The following TSC22D1 variants were observed in gnomAD, a reference collection of about 807,000 sequenced individuals.
TSC22D1 encodes TSC22 domain family member 1.
A neutral mutation model predicts 74.2 loss-of-function variants in TSC22D1; 9 were observed. That is an observed-to-expected ratio of 0.12 (90% confidence interval 0.07 to 0.21). The LOEUF is 0.21. Among genes scored for constraint, TSC22D1 ranks in the 10% least tolerant of loss-of-function variants. TSC22D1 has a pLI of 1.00. For synonymous variants in TSC22D1, 586 were observed against 492.5 expected (o/e 1.19, Z -2.51); for missense variants, 1,427 against 1,304.7 (o/e 1.09, Z -1.44).
At chr13:44,530,102 G>T (rs1471524621) in intron 1 of TSC22D1, among the ~76,000 whole-genome samples, 1 of 151,976 alleles carries the variant, frequency 6.6e-6, no homozygotes, top group Non-Finnish European at 1.5e-5. Context: ...GGTCCAAAAT[G>T]GCCAACACGA....
chr13:44,440,949 A>C (rs1875147959), intron 1 of TSC22D1, among the ~76,000 whole-genome samples: 1 of 152,260 alleles, frequency 6.6e-6, no homozygotes, highest in South Asian at 2.1e-4. Context: ...ATGTCTTTAA[A>C]ATTCTGAGAG....
At chr13:44,525,903 C>T (rs999483964) in intron 1 of TSC22D1, among the ~76,000 whole-genome samples, 4 of 151,670 alleles carry the variant, frequency 2.6e-5, no homozygotes, top group African/African-American at 7.3e-5. Context: ...GGAGTTTGAA[C>T]CTAGTCTGGA....
At chr13:44,489,253 G>A (rs954924898) in intron 1 of TSC22D1, among the ~76,000 whole-genome samples, 11 of 148,552 alleles carry the variant, frequency 7.4e-5, no homozygotes, top group African/African-American at 2.7e-4. Flanking sequence ...AACTGTGAAA[G>A]GTAAAACTGT....
At position 44,505,851 on chromosome 13, in the gene TSC22D1, A is replaced by G. The variant is rs181744007; in HGVS notation, c.2912+67312T>C. 5.3e-3 allele frequency among the ~76,000 whole-genome samples: 806 copies of G among 152,360 alleles called. 6 individuals are homozygous for G. The highest frequency in any genetic ancestry group is 8.6e-3 in the Non-Finnish European group (586 of 68,038). On this transcript the variant is annotated intron_variant, in intron 1 of 2. Transcript: ENST00000458659. ...TTCTTAACCTAAAGGGGCTTATGGA[A>G]CAGAAGAAATCTTTTTTAACATGTA...
At chr13:44,515,368 T>C (rs991346563) in intron 1 of TSC22D1, among the ~76,000 whole-genome samples, 1 of 151,620 alleles carries the variant, frequency 6.6e-6, no homozygotes, top group Non-Finnish European at 1.5e-5. Flanking sequence ...CCAAGAAATA[T>C]TAAGTGAAAA....
At chr13:44,515,400 A>G (rs7332594) in intron 1 of TSC22D1, among the ~76,000 whole-genome samples, 151,268 of 152,116 alleles carry the variant, frequency 0.99, 75,223 homozygotes, top group East Asian at 1. Context: ...GCAGAACAGC[A>G]TATATAGTGT....
At position 44,439,887 on chromosome 13, in the gene TSC22D1, C is replaced by T. The variant is rs75408522; in HGVS notation, c.2913-3792G>A. Among the ~76,000 whole-genome samples the T allele has an allele frequency of 3.8e-4, 58 of 152,326 alleles. No individual in the cohort carries two copies. In the East Asian group the frequency reaches 0.01, roughly 27 times the overall value. On this transcript the variant is annotated intron_variant, in intron 1 of 2. Coordinates refer to ENST00000458659, the MANE Select transcript of TSC22D1 (RefSeq NM_183422.4). Reference sequence around the variant, plus strand: ...CAAACTTAATCTGACTTGGCCAACACCGGTACAGTTGGAGATTCAGCACTG... The same window carrying T: ...CAAACTTAATCTGACTTGGCCAACATCGGTACAGTTGGAGATTCAGCACTG...
chr13:44,530,379 C>A (rs1311184449), intron 1 of TSC22D1, among the ~76,000 whole-genome samples: 1 of 152,094 alleles, frequency 6.6e-6, no homozygotes, highest in Middle Eastern at 3.4e-3. Context: ...TAAACACAAA[C>A]CTTACCCCTT....
intron 1 of TSC22D1, chr13:44,537,247 TA>T (rs1881202661): frequency 6.5e-6 from 6 of 929,586 alleles, no homozygotes; most frequent in Middle Eastern, 5.5e-4. Context: ...ACATAAAATA[TA>T]AAAAAACTCA....
At chr13:44,472,179 G>C (rs912158695) in intron 1 of TSC22D1, among the ~76,000 whole-genome samples, 13 of 152,128 alleles carry the variant, frequency 8.5e-5, no homozygotes, top group Non-Finnish European at 1.5e-4. Context: ...AAAACATACT[G>C]AATATTGGTT....
At chr13:44,460,992 T>C (rs529985416) in intron 1 of TSC22D1, among the ~76,000 whole-genome samples, 1 of 152,180 alleles carries the variant, frequency 6.6e-6, no homozygotes, top group Non-Finnish European at 1.5e-5. Context: ...ACAGAGATGT[T>C]TTCAGATAAA....
chr13:44,562,444 C>T (rs935877793), intron 1 of TSC22D1, among the ~76,000 whole-genome samples: 1 of 152,190 alleles, frequency 6.6e-6, no homozygotes, highest in Non-Finnish European at 1.5e-5. Context: ...ACCGAATAAA[C>T]ATTAGTATTG....
At chr13:44,437,333 A>AC in intron 1 of TSC22D1, 1 of 885,802 alleles carries the variant, frequency 1.1e-6, no homozygotes, top group Non-Finnish European at 1.4e-6. Flanking sequence ...TCTAGTTCTT[A>AC]CCGGCAGCGG....
At position 44,575,323 on chromosome 13, in the gene TSC22D1, C is replaced by A. The variant is rs773425652; in HGVS notation, c.752G>T (p.Gly251Val). The change falls in exon 1 of 3, where the codon GGT becomes GTT. Residue 251 changes from glycine to valine, a missense_variant. By Grantham distance (109) the Gly-to-Val change is moderately radical (BLOSUM62 -3). Coordinates refer to ENST00000458659, the MANE Select transcript of TSC22D1 (RefSeq NM_183422.4). ...HVAVASASIT[G>V]GPPSSPVSRK... is the part of the protein sequence containing the mutation. Reference sequence around the variant, plus strand: ...AGATACTGGGCTTGAGGGTGGCCCACCAGTAATGGATGCACTGGCCACAGC... The same window carrying A: ...AGATACTGGGCTTGAGGGTGGCCCAACAGTAATGGATGCACTGGCCACAGC... 59 of 1,614,022 alleles carry A rather than the reference C, an allele frequency of 3.7e-5. No individual in the cohort carries two copies. Among genetic ancestry groups the A allele is most frequent in the Non-Finnish European group, 4.9e-5 (58 of 1,180,032 alleles).
At position 44,575,313 on chromosome 13, in the gene TSC22D1, G is replaced by T. The variant is rs763800489; in HGVS notation, c.762C>A (p.Pro254=). 6.2e-7 allele frequency: 1 copy of T among 1,614,064 alleles called. No homozygotes were observed. Among genetic ancestry groups the T allele is most frequent in the Non-Finnish European group, 8.5e-7 (1 of 1,180,042 alleles). The part of the protein sequence containing the change: ...VASASITGGP[P]SSPVSRKLST... ...AGAGTTTTCTAGATACTGGGCTTGA[G>T]GGTGGCCCACCAGTAATGGATGCAC... Residue 254 remains proline, a synonymous_variant, in exon 1 of 3, where the codon CCC becomes CCA. Coordinates refer to ENST00000458659, the MANE Select transcript of TSC22D1 (RefSeq NM_183422.4).
intron 1 of TSC22D1, among the ~76,000 whole-genome samples, chr13:44,543,986 G>A (rs1336479974): frequency 1.3e-5 from 2 of 152,192 alleles, no homozygotes; most frequent in East Asian, 1.9e-4. Context: ...CCACCTACTC[G>A]GGAGGCTGAA....
At chr13:44,564,496 G>A (rs1160980086) in intron 1 of TSC22D1, among the ~76,000 whole-genome samples, 1 of 152,186 alleles carries the variant, frequency 6.6e-6, no homozygotes, top group Non-Finnish European at 1.5e-5. Flanking sequence ...AGATGGCATA[G>A]GGGATATTCA....
At chr13:44,531,507 G>A (rs536964542) in intron 1 of TSC22D1, among the ~76,000 whole-genome samples, 30 of 152,134 alleles carry the variant, frequency 2.0e-4, no homozygotes, top group African/African-American at 7.0e-4. Flanking sequence ...TTTCTCACAG[G>A]TTAACTCAAT....
intron 1 of TSC22D1, among the ~76,000 whole-genome samples, chr13:44,457,384 A>G (rs1876719885): frequency 6.6e-6 from 1 of 152,234 alleles, no homozygotes; most frequent in South Asian, 2.1e-4. Context: ...AGCATGCACA[A>G]AAGAAAAGCT....
Sources: gnomAD v4.1 joint callset for allele counts (sites outside exome capture counted in the v4.1 genomes callset) on GRCh38, gnomAD v4.1.1 for gene constraint, MANE v1.5 for transcripts, NCBI Gene and HGNC (gene_info 2026-07-23, HGNC 2026-07-21) for gene names.